CASP4: variants seen among roughly 807,000 people sequenced by gnomAD.
The protein encoded by CASP4 is caspase 4.
Under a neutral mutation model 41.3 loss-of-function variants are expected in CASP4, and 29 were observed. The observed-to-expected ratio is 0.70, with a 90% CI of 0.52 to 0.96. CASP4 has a LOEUF of 0.96. Ranked by LOEUF, CASP4 falls within the 40% of genes least tolerant of loss-of-function variation. CASP4 has a pLI of 0.00. For synonymous variants in CASP4, 185 were observed against 158.4 expected (o/e 1.17, Z -1.26); for missense variants, 447 against 460.6 (o/e 0.97, Z 0.27).
At chr11:104,965,647 T>G (rs1293012841) in intron 1 of CASP4, among the ~76,000 whole-genome samples, 4 of 152,210 alleles carry the variant, frequency 2.6e-5, no homozygotes, top group Non-Finnish European at 5.9e-5. Context: ...ATGGTTTGAC[T>G]GAAACAAAAC....
chr11:104,961,946 C>G (rs1338079955), intron 1 of CASP4, among the ~76,000 whole-genome samples: 1 of 152,126 alleles, frequency 6.6e-6, no homozygotes, highest in South Asian at 2.1e-4. Flanking sequence ...GTTCTGAGGT[C>G]GTCCCTCCCC....
chr11:104,957,988 A>G (rs1860772812), intron 1 of CASP4, among the ~76,000 whole-genome samples: 1 of 152,168 alleles, frequency 6.6e-6, no homozygotes, highest in Non-Finnish European at 1.5e-5. Flanking sequence ...AATAAACCCA[A>G]TTATTTACAT....
chr11:104,943,220 GT>G (rs1481894074), intron 8 of CASP4: 4 of 306,656 alleles, frequency 1.3e-5, no homozygotes. Context: ...ATTTTTAAAG[GT>G]TTACCATGTG....
chr11:104,948,563 C>T lies in CASP4; in HGVS notation c.895G>A (p.Asp299Asn). 1.2e-6 allele frequency: 2 copies of T among 1,610,358 alleles called. No homozygotes were observed. The highest frequency in any genetic ancestry group is 3.3e-5 in the Admixed American group (2 of 59,834). The stretch of plus-strand genomic sequence containing the variant: ...GTTGAAGAGCAGAAAGCAATGAAGT[C>T]CTTCTCCACGTGGGTCTTGTAAACA... The part of the protein sequence containing the change: ...DAVYKTHVEK[D>N]FIAFCSSTPH... Residue 299 changes from aspartate to asparagine, a missense_variant, in exon 6 of 9, where the codon GAC becomes AAC. By Grantham distance (23) the Asp-to-Asn change is conservative. Transcript: ENST00000444739.
chr11:104,950,377 T>G (rs1039232078), intron 4 of CASP4, among the ~76,000 whole-genome samples: 1 of 152,164 alleles, frequency 6.6e-6, no homozygotes, highest in Non-Finnish European at 1.5e-5. Context: ...TATTTCCTTT[T>G]TATTTTCTTT....
chr11:104,955,019 A>G lies in CASP4; in HGVS notation c.8-18T>C. On this transcript the variant is annotated intron_variant, in intron 1 of 8. Transcript: ENST00000444739. ...GTTGCCTTCTGTTAGAAATAGAAAGATTCCTTTAACTATGGGCACAGCTTA... is the reference window on the plus strand; with the variant it reads ...GTTGCCTTCTGTTAGAAATAGAAAGGTTCCTTTAACTATGGGCACAGCTTA... 1.9e-6 allele frequency: 3 copies of G among 1,609,358 alleles called. No homozygotes were observed. Among genetic ancestry groups the G allele is most frequent in the Non-Finnish European group, 2.5e-6 (3 of 1,178,196 alleles).
intron 1 of CASP4, among the ~76,000 whole-genome samples, chr11:104,964,421 T>G (rs960023771): frequency 2.6e-5 from 4 of 152,206 alleles, no homozygotes; most frequent in Admixed American, 1.3e-4. Context: ...GTGAAAAAAT[T>G]TTGAAGCATA....
intron 1 of CASP4, among the ~76,000 whole-genome samples, chr11:104,955,801 A>G (rs1860724736): frequency 6.6e-6 from 1 of 152,254 alleles, no homozygotes; most frequent in Admixed American, 6.5e-5. Context: ...TGATTTCGGC[A>G]GATTGTACAC....
intron 1 of CASP4, among the ~76,000 whole-genome samples, chr11:104,955,725 A>C (rs991214709): frequency 4.6e-5 from 7 of 152,096 alleles, no homozygotes; most frequent in Non-Finnish European, 7.4e-5. Flanking sequence ...CCTTAGAGTA[A>C]TTTGAATATT....
At position 104,954,933 on chromosome 11, in the gene CASP4, A is replaced by G; in HGVS notation, c.76T>C (p.Leu26=). ...ACATTTTGTTCCACCAAGTTATCCAAAACACCAGTGAGGAAATCTTTGCCC... is the reference window on the plus strand; with the variant it reads ...ACATTTTGTTCCACCAAGTTATCCAGAACACCAGTGAGGAAATCTTTGCCC... ...SLGKDFLTGV[L]DNLVEQNVLN... The change falls in exon 2 of 9, where the codon TTG becomes CTG. Residue 26 remains leucine, a synonymous_variant. Coordinates refer to ENST00000444739, the MANE Select transcript of CASP4 (RefSeq NM_001225.4). 6.2e-7 allele frequency: 1 copy of G among 1,612,198 alleles called. No individual in the cohort carries two copies. Among genetic ancestry groups the G allele is most frequent in the South Asian group, 1.1e-5 (1 of 91,036 alleles).
At chr11:104,951,707 C>A (rs569827984) in intron 3 of CASP4, 189 bp downstream of exon 3, 4 of 626,068 alleles carry the variant, frequency 6.4e-6, no homozygotes, top group Non-Finnish European at 1.2e-5. Context: ...ATAAAATGAT[C>A]TGCATCATGG....
In CASP4 at chr11:104,947,185, C is replaced by T; in HGVS notation, c.933G>A (p.Val311=). The part of the protein sequence containing the change: ...IAFCSSTPHN[V]SWRDSTMGSI... The stretch of plus-strand genomic sequence containing the variant: ...AGCCCATTGTGCTGTCTCTCCAGGA[C>T]ACGTTGTCTATAATGATACAGATGG... The change falls in exon 7 of 9, where the codon GTG becomes GTA. Residue 311 remains valine, a synonymous_variant. Transcript: ENST00000444739. 3 of 1,599,080 alleles carry T rather than the reference C, an allele frequency of 1.9e-6. No homozygotes were observed. Among genetic ancestry groups the T allele is most frequent in the African/African-American group, 1.3e-5 (1 of 74,646 alleles).
intron 1 of CASP4, among the ~76,000 whole-genome samples, chr11:104,956,340 A>G (rs1428658170): frequency 6.6e-6 from 1 of 152,074 alleles, no homozygotes; most frequent in East Asian, 1.9e-4. Flanking sequence ...CATAGTCTAT[A>G]TAGTTAATCA....
At chr11:104,957,789 T>A (rs1186695850) in intron 1 of CASP4, among the ~76,000 whole-genome samples, 2 of 151,920 alleles carry the variant, frequency 1.3e-5, no homozygotes, top group Non-Finnish European at 2.9e-5. Flanking sequence ...ATCCTAAAAT[T>A]TATATGGAAT....
Position 104,954,817 on chromosome 11 carries a change from C to T in CASP4, c.192G>A (p.Lys64=). The change falls in exon 2 of 9, where the codon AAG becomes AAA. Residue 64 remains lysine (K), a synonymous_variant. Coordinates refer to ENST00000444739, the MANE Select transcript of CASP4 (RefSeq NM_001225.4). The part of the protein sequence containing the change: ...VRVMADSMQE[K]QRMAGQMLLQ... The stretch of plus-strand genomic sequence containing the variant: ...GAAGCATTTGTCCTGCCATACGTTG[C>T]TTCTCTTGCATAGAGTCTGCCATGA... The T allele has an allele frequency of 6.2e-7, 1 of 1,613,758 alleles. No homozygotes were observed. The highest frequency in any genetic ancestry group is 8.5e-7 in the Non-Finnish European group (1 of 1,179,732).
chr11:104,946,954 T>C (rs1860475727), intron 7 of CASP4, 129 bp downstream of exon 7: 1 of 653,192 alleles, frequency 1.5e-6, no homozygotes. Flanking sequence ...TTTAAACAAC[T>C]GAATGACAGA....
At chr11:104,948,250 A>T (rs1169137401) in intron 6 of CASP4, 1 of 206,088 alleles carries the variant, frequency 4.9e-6, no homozygotes, top group Non-Finnish European at 9.8e-6. Context: ...GAGAAAGAGA[A>T]GCCATTCCTG....
chr11:104,949,399 C>G (rs746004543), intron 5 of CASP4, 144 bp downstream of exon 5: 56 of 844,324 alleles, frequency 6.6e-5, no homozygotes, highest in Non-Finnish European at 1.0e-4. Context: ...TTATACCAGA[C>G]CCTTAGGTAG....
intron 1 of CASP4, among the ~76,000 whole-genome samples, chr11:104,964,852 G>A (rs1413200032): frequency 6.6e-6 from 1 of 152,160 alleles, no homozygotes; most frequent in Non-Finnish European, 1.5e-5. Context: ...AGTCTTATCT[G>A]AGATTCCTCA....
Sources: gnomAD v4.1 joint callset for allele counts (sites outside exome capture counted in the v4.1 genomes callset) on GRCh38, gnomAD v4.1.1 for gene constraint, MANE v1.5 for transcripts, NCBI Gene and HGNC (gene_info 2026-07-23, HGNC 2026-07-21) for gene names.